Variants in MTUS2 observed in about 807,000 individuals in gnomAD.
The protein encoded by MTUS2 is microtubule associated scaffold protein 2, also known as microtubule-associated tumor suppressor candidate 2.
In MTUS2, 40 loss-of-function variants were observed where a neutral mutation model predicts 114.1. The ratio of observed to expected loss-of-function variants is 0.35; its 90% CI spans 0.27 to 0.46. The LOEUF is 0.46. Among genes scored for constraint, MTUS2 ranks in the 20% least tolerant of loss-of-function variants. The pLI is 1.00. For missense variants in MTUS2, 1,679 were observed against 1,705.4 expected (o/e 0.98, Z 0.27); for synonymous variants, 688 against 672.0 (o/e 1.02, Z -0.37).
intron 9 of MTUS2, among the ~76,000 whole-genome samples, chr13:29,456,318 GA>G (rs915562382): frequency 6.6e-6 from 1 of 152,082 alleles, no homozygotes; most frequent in East Asian, 1.9e-4. Flanking sequence ...AGAACAGAGA[GA>G]AAAAATGCTT....
At chr13:29,245,350 G>T (rs1257057768) in intron 5 of MTUS2, among the ~76,000 whole-genome samples, 2 of 152,184 alleles carry the variant, frequency 1.3e-5, no homozygotes, top group Non-Finnish European at 2.9e-5. Context: ...AGAGAAATCT[G>T]CAGGGAAAAA....
intron 2 of MTUS2, among the ~76,000 whole-genome samples, chr13:28,841,025 A>G (rs1163158968): frequency 1.3e-5 from 2 of 152,236 alleles, no homozygotes; most frequent in Non-Finnish European, 2.9e-5. Flanking sequence ...GCTTCATTCT[A>G]TAGACCACCA....
At chr13:29,185,732 A>G (rs1261554321) in intron 5 of MTUS2, among the ~76,000 whole-genome samples, 1 of 152,234 alleles carries the variant, frequency 6.6e-6, no homozygotes, top group African/African-American at 2.4e-5. Context: ...TTTTCACATT[A>G]AAGGAAATCT....
chr13:29,471,741 A>ACCCCCCCCC (rs1880316161), intron 9 of MTUS2, among the ~76,000 whole-genome samples: 1 of 120,874 alleles, frequency 8.3e-6, no homozygotes, highest in Non-Finnish European at 1.8e-5. Context: ...CTGCAGGCCC[A>ACCCCCCCCC]GCCCCCCCCG....
At chr13:29,386,043 AAATG>A (rs764737690) in intron 8 of MTUS2, among the ~76,000 whole-genome samples, 2 of 152,226 alleles carry the variant, frequency 1.3e-5, no homozygotes, top group East Asian at 1.9e-4. Context: ...TGCTCTGAAT[AAATG>A]AATGAATGAA....
chr13:28,822,188 C>G lies in MTUS2; in HGVS notation c.-316+1577C>G, dbSNP rs560677640. ...GCCTCTGAGTCAGTGTTTTCTGTCTCCCTTATGTAATCCCAAATATCCAAA... is the reference window on the plus strand; with the variant it reads ...GCCTCTGAGTCAGTGTTTTCTGTCTGCCTTATGTAATCCCAAATATCCAAA... On this transcript the variant is annotated intron_variant, in intron 1 of 15. Coordinates refer to ENST00000612955, the MANE Select transcript of MTUS2 (RefSeq NM_001033602.4). Among the ~76,000 whole-genome samples the G allele has an allele frequency of 2.0e-5, 3 of 152,270 alleles. No homozygotes were observed. In the South Asian group the frequency reaches 6.2e-4, roughly 32 times the overall value.
chr13:29,399,865 G>A (rs1358913141), intron 8 of MTUS2, among the ~76,000 whole-genome samples: 1 of 152,190 alleles, frequency 6.6e-6, no homozygotes, highest in Non-Finnish European at 1.5e-5. Context: ...TAAGTAGCAT[G>A]AATACTCGGA....
chr13:28,929,242 G>T (rs757762308), intron 2 of MTUS2, among the ~76,000 whole-genome samples: 9 of 152,180 alleles, frequency 5.9e-5, no homozygotes, highest in Non-Finnish European at 1.2e-4. Context: ...ATAAGAGCTA[G>T]TGTTTGATAG....
intron 2 of MTUS2, among the ~76,000 whole-genome samples, chr13:28,872,950 A>T (rs967899020): frequency 3.9e-5 from 6 of 152,216 alleles, no homozygotes; most frequent in African/African-American, 1.4e-4. Context: ...CCTCAAATAC[A>T]CAATTCCTTC....
intron 4 of MTUS2, among the ~76,000 whole-genome samples, chr13:29,092,574 G>C (rs1198787832): frequency 6.6e-6 from 1 of 152,158 alleles, no homozygotes; most frequent in African/African-American, 2.4e-5. Flanking sequence ...CGGAACCTCT[G>C]AATGCGGGTA....
At chr13:29,014,069 A>C (rs1885965021) in intron 2 of MTUS2, among the ~76,000 whole-genome samples, 2 of 152,118 alleles carry the variant, frequency 1.3e-5, no homozygotes, top group African/African-American at 2.4e-5. Context: ...AAGCCATTCG[A>C]TGCTCAGTAA....
intron 5 of MTUS2, among the ~76,000 whole-genome samples, chr13:29,138,694 T>G (rs1049783669): frequency 1.3e-5 from 2 of 150,938 alleles, no homozygotes; most frequent in African/African-American, 4.8e-5. Flanking sequence ...TTGAATTGTG[T>G]TTTTTATATG....
chr13:29,294,131 A>G (rs1898836531), intron 6 of MTUS2, among the ~76,000 whole-genome samples: 1 of 152,168 alleles, frequency 6.6e-6, no homozygotes, highest in Non-Finnish European at 1.5e-5. Context: ...ACAGAAAAAA[A>G]TGAAACAAAA....
chr13:29,415,915 G>GATTTT (rs904276515), intron 8 of MTUS2, among the ~76,000 whole-genome samples: 1 of 151,510 alleles, frequency 6.6e-6, no homozygotes, highest in Non-Finnish European at 1.5e-5. Flanking sequence ...TAGCTTGCCA[G>GATTTT]ATTTTATTTT....
At chr13:29,408,243 A>AG (rs1350363055) in intron 8 of MTUS2, among the ~76,000 whole-genome samples, 1 of 151,944 alleles carries the variant, frequency 6.6e-6, no homozygotes, top group Non-Finnish European at 1.5e-5. Context: ...TTAAAAAAAA[A>AG]CCCTCCCTAA....
chr13:29,495,587 G>GA (rs1465737889), intron 12 of MTUS2, among the ~76,000 whole-genome samples: 1 of 152,022 alleles, frequency 6.6e-6, no homozygotes, highest in Admixed American at 6.6e-5. Context: ...AAGTTCATGG[G>GA]AGGCTAGGAA....
chr13:29,323,958 G>A (rs971054066), intron 6 of MTUS2, among the ~76,000 whole-genome samples: 1 of 152,192 alleles, frequency 6.6e-6, no homozygotes, highest in African/African-American at 2.4e-5. Context: ...ACGTGAAGGT[G>A]AGCACTGTGC....
intron 5 of MTUS2, among the ~76,000 whole-genome samples, chr13:29,206,784 A>C (rs1895204016): frequency 6.6e-6 from 1 of 152,166 alleles, no homozygotes. Flanking sequence ...TTTTCATATC[A>C]GTACCATGCT....
rs1344005246 is a variant in MTUS2, at chr13:29,042,917, G to C, written c.2446+8792G>C. Reference sequence around the variant, plus strand: ...TTTTGTCTATCTTTTCAAAGACCTAGCTTTTGTTTCATTTATCTTTTGTAT... The same window carrying C: ...TTTTGTCTATCTTTTCAAAGACCTACCTTTTGTTTCATTTATCTTTTGTAT... On this transcript the variant is annotated intron_variant, in intron 4 of 15. Coordinates refer to ENST00000612955, the MANE Select transcript of MTUS2 (RefSeq NM_001033602.4). Among the ~76,000 whole-genome samples the C allele has an allele frequency of 5.9e-5, 9 of 151,998 alleles. No homozygotes were observed. In the East Asian group the frequency reaches 1.7e-3, roughly 29 times the overall value.
Sources: allele counts gnomAD v4.1 joint callset (sites outside exome capture counted in the v4.1 genomes callset), GRCh38; gene constraint gnomAD v4.1.1; transcripts MANE v1.5; gene names NCBI Gene and HGNC (gene_info 2026-07-23, HGNC 2026-07-21).